The following ZNF804B variants were observed in gnomAD, a reference collection of about 807,000 sequenced individuals.
ZNF804B encodes zinc finger protein 804B.
Under a neutral mutation model 101.4 loss-of-function variants are expected in ZNF804B, and 80 were observed. The observed-to-expected ratio is 0.79, with a 90% CI of 0.66 to 0.95. The LOEUF is 0.95. Among genes scored for constraint, ZNF804B ranks in the 40% least tolerant of loss-of-function variants. ZNF804B has a pLI of 0.00. For missense variants in ZNF804B, 1,673 were observed against 1,561.9 expected, an observed-to-expected ratio of 1.07 and a Z score of -1.20; for synonymous variants, 622 against 558.8, an observed-to-expected ratio of 1.11 and a Z score of -1.59.
intron 1 of ZNF804B, chr7:88,794,722 T>G (rs1291180047): frequency 1.2e-6 from 2 of 1,613,634 alleles, no homozygotes; most frequent in South Asian, 2.2e-5. Context: ...CAAAACTGAC[T>G]GAAACATTTG....
At chr7:89,024,591 C>T (rs374098203) in intron 1 of ZNF804B, among the ~76,000 whole-genome samples, 6 of 113,756 alleles carry the variant, frequency 5.3e-5, no homozygotes, top group South Asian at 2.8e-4. Flanking sequence ...GCTAAGAAAG[C>T]TATTACTTTT....
At chr7:89,077,240 A>G (rs1583973028) in intron 1 of ZNF804B, among the ~76,000 whole-genome samples, 1 of 152,214 alleles carries the variant, frequency 6.6e-6, no homozygotes, top group African/African-American at 2.4e-5. Flanking sequence ...GTGGAGGGAA[A>G]GTATAAAAGC....
At chr7:88,877,010 ATATATATATATATAT>A (rs1791951707) in intron 1 of ZNF804B, among the ~76,000 whole-genome samples, 2 of 62,024 alleles carry the variant, frequency 3.2e-5, no homozygotes, top group African/African-American at 2.7e-4. Context: ...AAAAAAAAAT[ATATATATATATATAT>A]AATATATATA....
At chr7:88,801,503 A>T (rs1405806865) in intron 1 of ZNF804B, among the ~76,000 whole-genome samples, 1 of 152,034 alleles carries the variant, frequency 6.6e-6, no homozygotes, top group Non-Finnish European at 1.5e-5. Context: ...CCTTTTAAGA[A>T]CTCTGCAGTT....
At chr7:88,863,518 C>T (rs996289382) in intron 1 of ZNF804B, among the ~76,000 whole-genome samples, 3 of 151,778 alleles carry the variant, frequency 2.0e-5, no homozygotes, top group Non-Finnish European at 4.4e-5. Flanking sequence ...GACAAAGAAG[C>T]CCTATTTTTT....
chr7:88,884,580 T>C (rs1171470338), intron 1 of ZNF804B, among the ~76,000 whole-genome samples: 1 of 151,910 alleles, frequency 6.6e-6, no homozygotes. Flanking sequence ...GGAGCTATTA[T>C]ATTTTAGACA....
intron 1 of ZNF804B, among the ~76,000 whole-genome samples, chr7:88,984,125 CT>C (rs1793728143): frequency 6.6e-6 from 1 of 152,070 alleles, no homozygotes; most frequent in Non-Finnish European, 1.5e-5. Flanking sequence ...CAAGTCCATG[CT>C]TTTCCAGTTA....
At chr7:89,295,667 C>A (rs1790370600) in intron 2 of ZNF804B, among the ~76,000 whole-genome samples, 1 of 151,998 alleles carries the variant, frequency 6.6e-6, no homozygotes, top group Non-Finnish European at 1.5e-5. Context: ...TGTACACAGT[C>A]TGCAAATTTG....
At chr7:89,032,079 T>A (rs1255436849) in intron 1 of ZNF804B, among the ~76,000 whole-genome samples, 1 of 152,154 alleles carries the variant, frequency 6.6e-6, no homozygotes, top group Non-Finnish European at 1.5e-5. Context: ...CAGCTCAAGA[T>A]CACACAGCTA....
At chr7:89,192,029 T>C (rs113101077) in intron 1 of ZNF804B, among the ~76,000 whole-genome samples, 2,558 of 152,234 alleles carry the variant, frequency 0.017, 61 homozygotes, top group East Asian at 0.053. Context: ...ATAATATCTG[T>C]CTAGAACTTT....
At chr7:89,271,804 G>A (rs1240269914) in intron 2 of ZNF804B, among the ~76,000 whole-genome samples, 1 of 152,136 alleles carries the variant, frequency 6.6e-6, no homozygotes, top group Non-Finnish European at 1.5e-5. Flanking sequence ...TTGGGAGGCT[G>A]TATGTGTCCA....
chr7:89,040,406 T>C (rs112653902), intron 1 of ZNF804B, among the ~76,000 whole-genome samples: 15 of 152,294 alleles, frequency 9.8e-5, no homozygotes, highest in Middle Eastern at 3.4e-3. Flanking sequence ...GAGCTATCTG[T>C]TGGATTTTTC....
At chr7:89,273,560 G>C (rs1173751322) in intron 2 of ZNF804B, among the ~76,000 whole-genome samples, 1 of 152,114 alleles carries the variant, frequency 6.6e-6, no homozygotes, top group Non-Finnish European at 1.5e-5. Context: ...AACATGCTCA[G>C]TTTAATATTT....
chr7:88,997,938 A>C (rs1188047113), intron 1 of ZNF804B, among the ~76,000 whole-genome samples: 1 of 151,924 alleles, frequency 6.6e-6, no homozygotes, highest in East Asian at 1.9e-4. Flanking sequence ...ACATTCTCTT[A>C]TGTTGTGTCT....
intron 1 of ZNF804B, among the ~76,000 whole-genome samples, chr7:88,979,976 T>A (rs73401223): frequency 0.029 from 4,442 of 151,860 alleles, 232 homozygotes; most frequent in African/African-American, 0.1. Context: ...AATTTTTTCG[T>A]CTGCTTGATC....
chr7:89,120,308 C>G (rs1790381807), intron 1 of ZNF804B, among the ~76,000 whole-genome samples: 1 of 150,042 alleles, frequency 6.7e-6, no homozygotes, highest in Non-Finnish European at 1.5e-5. Context: ...GAAAGAAAAC[C>G]AAACCAAACC....
chr7:89,284,415 G>C (rs1235471323), intron 2 of ZNF804B, among the ~76,000 whole-genome samples: 1 of 152,136 alleles, frequency 6.6e-6, no homozygotes, highest in African/African-American at 2.4e-5. Flanking sequence ...GCTCTGCAAA[G>C]GAAAAATCAT....
At chr7:88,885,434 A>G (rs1306745523) in intron 1 of ZNF804B, among the ~76,000 whole-genome samples, 1 of 151,604 alleles carries the variant, frequency 6.6e-6, no homozygotes, top group Non-Finnish European at 1.5e-5. Context: ...AAACAATACA[A>G]TATTGCTAAA....
Position 88,963,844 on chromosome 7 carries a change from GTAAAA to G in ZNF804B, c.108+203764_108+203768del, listed in dbSNP as rs536379316. ...TATGAACAAACAAATAAACAAAAAA[GTAAAA>G]TAATAAAATGACAAAGGATTGAATA... On this transcript the variant is annotated intron_variant, in intron 1 of 3. Coordinates refer to ENST00000333190, the MANE Select transcript of ZNF804B (RefSeq NM_181646.5). Among the ~76,000 whole-genome samples, 943 of 151,296 alleles carry G rather than the reference GTAAAA, an allele frequency of 6.2e-3. 12 individuals are homozygous for G. The highest frequency in any genetic ancestry group is 0.021 in the African/African-American group (875 of 41,382).
Sources: allele counts gnomAD v4.1 joint callset (sites outside exome capture counted in the v4.1 genomes callset), GRCh38; gene constraint gnomAD v4.1.1; transcripts MANE v1.5; gene names NCBI Gene and HGNC (gene_info 2026-07-23, HGNC 2026-07-21).